The following PLA2G2F variants were observed in gnomAD, a reference collection of about 807,000 sequenced individuals.
PLA2G2F encodes group IIF secretory phospholipase A2.
PLA2G2F carries 17 observed loss-of-function variants against 15.9 expected under a neutral mutation model. The observed-to-expected ratio is 1.07, with a 90% CI of 0.73 to 1.60. The LOEUF is 1.60. Among genes scored for constraint, PLA2G2F ranks in the 40% most tolerant of loss-of-function variants. The probability of loss-of-function intolerance (pLI) is 0.00; values close to 1 mark genes in which losing one functional copy is unlikely to be tolerated. For missense variants in PLA2G2F, 299 were observed against 278.2 expected, an observed-to-expected ratio of 1.07 and a Z score of -0.53; for synonymous variants, 119 against 106.5, an observed-to-expected ratio of 1.12 and a Z score of -0.72.
chr1:20,139,516 G>C lies in PLA2G2F; in HGVS notation c.89G>C (p.Gly30Ala). ...CFSGWRGPRF[G>A]ASCPSRTSRS... is the part of the protein sequence containing the mutation. The stretch of plus-strand genomic sequence containing the variant: ...TCTGGGTGGAGGGGCCCACGCTTCG[G>C]GGCCTCCTGTCCTTCAAGAACCTCC... The change falls in exon 1 of 5, where the codon GGG (glycine) becomes GCG (alanine). Residue 30 changes from glycine (G) to alanine (A), a missense_variant. Physicochemically the swap from Gly to Ala is moderately conservative, Grantham distance 60 (BLOSUM62 0). Coordinates refer to ENST00000375102, the MANE Select transcript of PLA2G2F (RefSeq NM_022819.4). 1 of 1,566,352 alleles carries C rather than the reference G, an allele frequency of 6.4e-7. No individual in the cohort carries two copies. Among genetic ancestry groups the C allele is most frequent in the Non-Finnish European group, 8.7e-7 (1 of 1,155,088 alleles).
intron 4 of PLA2G2F, among the ~76,000 whole-genome samples, chr1:20,146,882 G>A (rs554922769): frequency 3.3e-5 from 5 of 152,260 alleles, no homozygotes; most frequent in African/African-American, 7.2e-5. Flanking sequence ...GGTAACAGAC[G>A]AACTTAAAGC....
At position 20,143,563 on chromosome 1, in the gene PLA2G2F, G is replaced by A. The variant is rs145617803; in HGVS notation, c.287G>A (p.Arg96His). 333 of 1,613,970 alleles carry A rather than the reference G, an allele frequency of 2.1e-4. 1 individual carries two copies. In the African/African-American group the frequency reaches 3.3e-3, roughly 16 times the overall value. The change falls in exon 3 of 5, where the codon CGT (arginine) becomes CAT (histidine). Residue 96 changes from arginine to histidine, a missense_variant. Coordinates refer to ENST00000375102, the MANE Select transcript of PLA2G2F (RefSeq NM_022819.4). The stretch of plus-strand genomic sequence containing the variant: ...GGTTGCTACTGTGGGCTGGGGGGCC[G>A]TGGCCAGCCCAAGGATGAGGTGGAC... ...GYGCYCGLGG[R>H]GQPKDEVDWC...
intron 2 of PLA2G2F, chr1:20,141,687 T>TTGGG (rs1343393225): frequency 2.0e-5 from 3 of 152,492 alleles, no homozygotes; most frequent in East Asian, 3.9e-4. Flanking sequence ...CTCGCAGTGG[T>TTGGG]TGGGTCCCTC....
chr1:20,147,451 CTTT>C (rs879391906), intron 4 of PLA2G2F, among the ~76,000 whole-genome samples: 1 of 144,514 alleles, frequency 6.9e-6, no homozygotes, highest in Admixed American at 6.9e-5. Flanking sequence ...ACTCCCTCTT[CTTT>C]TTTTTTTTTT....
chr1:20,148,395 TC>T lies in PLA2G2F; in HGVS notation c.633del (p.Ter212ArgfsTer6), dbSNP rs1352762717. The T allele has an allele frequency of 6.2e-7, 1 of 1,609,506 alleles. No homozygotes were observed. The highest frequency in any genetic ancestry group is 8.5e-7 in the Non-Finnish European group (1 of 1,176,538). On this transcript the variant is annotated frameshift_variant, in exon 5 of 5. Coordinates refer to ENST00000375102, the MANE Select transcript of PLA2G2F (RefSeq NM_022819.4). LOFTEE classifies it high-confidence loss of function. ...ACCAATCCCCAGCGCCCCCCGCCCC[TC>T]CCTAGAGCCTCTGAGGTTTGAGAGA... Reference protein sequence around the residue: ...SHQSPAPPAPP With the variant: ...SHQSPAPPAPX
chr1:20,143,232 G>A (rs1265272440), intron 2 of PLA2G2F: 8 of 549,700 alleles, frequency 1.5e-5, no homozygotes, highest in Non-Finnish European at 2.2e-5. Flanking sequence ...CCGCAGGGAT[G>A]TGGGTGCACA....
At chr1:20,145,714 A>T (rs2017575528) in intron 4 of PLA2G2F, among the ~76,000 whole-genome samples, 1 of 151,864 alleles carries the variant, frequency 6.6e-6, no homozygotes, top group South Asian at 2.1e-4. Context: ...GGCTAAAGTG[A>T]TCCTCCTGCC....
rs372533971 is a variant in PLA2G2F at position 20,140,147 on chromosome 1, G to A, written c.117-19G>A. On this transcript the variant is annotated intron_variant, in intron 1 of 4. Coordinates refer to ENST00000375102, the MANE Select transcript of PLA2G2F (RefSeq NM_022819.4). The stretch of plus-strand genomic sequence containing the variant: ...GGTGGAGGGGATGGACTCAAGCTCC[G>A]GGTTTCGTCCTCCCTCAGGTCTAGC... 75 of 1,613,168 alleles carry A rather than the reference G, an allele frequency of 4.6e-5. No homozygotes were observed. Among genetic ancestry groups the A allele is most frequent in the East Asian group, 2.5e-4 (11 of 44,848 alleles).
chr1:20,143,505 G>A lies in PLA2G2F; in HGVS notation c.229G>A (p.Gly77Arg), dbSNP rs531324579. ...NLKAMVEAVTGRSAILSFVGY... is the reference protein window; with the variant it reads ...NLKAMVEAVTRRSAILSFVGY... ...GAAGGCCATGGTGGAGGCCGTCACA[G>A]GGAGGAGCGCCATCCTGTCCTTCGT... The change falls in exon 3 of 5, where the codon GGG (glycine) becomes AGG (arginine). Residue 77 changes from glycine to arginine, a missense_variant. Gly to Arg is a moderately radical substitution (Grantham distance 125, BLOSUM62 -2). Coordinates refer to ENST00000375102, the MANE Select transcript of PLA2G2F (RefSeq NM_022819.4). 3.7e-6 allele frequency: 6 copies of A among 1,614,066 alleles called. No individual in the cohort carries two copies. The highest frequency in any genetic ancestry group is 2.2e-5 in the East Asian group (1 of 44,852).
chr1:20,139,378 C>T lies in PLA2G2F; in HGVS notation c.-50C>T, dbSNP rs1171736726. The T allele has an allele frequency of 2.1e-6, 3 of 1,396,628 alleles. No individual in the cohort carries two copies. In the East Asian group the frequency reaches 7.5e-5, roughly 35 times the overall value. The allele number at this position is 1,396,628 out of a possible 1,614,324, so 86.5% of individuals were successfully genotyped here. ...CCTGCTCCCCGCAGCCTCTGGAGCG[C>T]ATCTCAGACCTTCTGAGACCTATGT... On this transcript the variant is annotated 5_prime_UTR_variant, in exon 1 of 5. Coordinates refer to ENST00000375102, the MANE Select transcript of PLA2G2F (RefSeq NM_022819.4).
At chr1:20,143,668 C>A (rs1031370382) in intron 3 of PLA2G2F, 78 bp downstream of exon 3, 1 of 1,536,516 alleles carries the variant, frequency 6.5e-7, no homozygotes, top group Non-Finnish European at 8.8e-7. Context: ...GCCCTCCATC[C>A]CTGAGTGGGG....
rs527538192 is a variant in PLA2G2F, at chr1:20,147,859, G to A, written c.425-331G>A. On this transcript the variant is annotated intron_variant, in intron 4 of 4. Coordinates refer to ENST00000375102, the MANE Select transcript of PLA2G2F (RefSeq NM_022819.4). ...GCGTGGGGGGTGCTTTAGTTCTGTG[G>A]GTGACTTAGGTAAACCCATCCCCCT... Among the ~76,000 whole-genome samples the A allele has an allele frequency of 1.4e-4, 22 of 152,306 alleles. No homozygotes were observed. In the South Asian group the frequency reaches 4.4e-3, roughly 30 times the overall value.
chr1:20,148,080 C>T, intron 4 of PLA2G2F, 110 bp from the exon 5 acceptor site: 1 of 912,262 alleles, frequency 1.1e-6, no homozygotes. Context: ...GTAACACATT[C>T]CAAGGACCAC....
intron 4 of PLA2G2F, among the ~76,000 whole-genome samples, chr1:20,147,788 T>C (rs1268950828): frequency 6.6e-6 from 1 of 152,174 alleles, no homozygotes; most frequent in Non-Finnish European, 1.5e-5. Flanking sequence ...GATTCTGTGA[T>C]TGAAGGGAAG....
At chr1:20,148,133 C>G (rs2017647940) in intron 4 of PLA2G2F, 57 bp from the exon 5 acceptor site, 2 of 1,384,604 alleles carry the variant, frequency 1.4e-6, no homozygotes, top group Admixed American at 3.4e-5. Context: ...CAGCAGTAGT[C>G]CTGGGGGAGC....
At chr1:20,143,142 A>G (rs1472217947) in intron 2 of PLA2G2F, 1 of 298,714 alleles carries the variant, frequency 3.3e-6, no homozygotes, top group Non-Finnish European at 6.3e-6. Context: ...CAATGGATTC[A>G]TGCACATGGA....
At position 20,150,376 on chromosome 1, in the gene PLA2G2F, C is replaced by T. The variant is rs1374719064; in HGVS notation, c.*1975C>T. On this transcript the variant is annotated 3_prime_UTR_variant, in exon 5 of 5. Transcript: ENST00000375102. ...TCCTCAAATGAATAAAGGCCTCCTA[C>T]CTCAACTCCCCATGGCTGGCCCCTC... 1 of 152,370 alleles carries T rather than the reference C, an allele frequency of 6.6e-6. No individual in the cohort carries two copies. Among genetic ancestry groups the T allele is most frequent in the Non-Finnish European group, 1.5e-5 (1 of 68,132 alleles). 9.4% of individuals were successfully genotyped at this position (152,370 alleles called of 1,614,324 possible).
In PLA2G2F at chr1:20,149,687, A is replaced by T. The variant is rs1448779655; in HGVS notation, c.*1286A>T. 1.3e-5 allele frequency: 2 copies of T among 152,692 alleles called. No homozygotes were observed. The highest frequency in any genetic ancestry group is 2.9e-5 in the Non-Finnish European group (2 of 68,486). The allele number at this position is 152,692 out of a possible 1,614,324, so 9.5% of individuals were successfully genotyped here. A position where few individuals can be genotyped will look rare whatever the true frequency, so the allele number is the denominator to read the frequency against. ...GACGGGCCTCCAGGCAACACAGAGG[A>T]GCTGGGGGCCAGGGCCTTACGGGGC... On this transcript the variant is annotated 3_prime_UTR_variant, in exon 5 of 5. Transcript: ENST00000375102.
intron 4 of PLA2G2F, among the ~76,000 whole-genome samples, chr1:20,146,104 C>T (rs1262161893): frequency 6.6e-6 from 1 of 152,192 alleles, no homozygotes; most frequent in African/African-American, 2.4e-5. Flanking sequence ...TTGGTGGGGC[C>T]CAGGAACTTG....
Sources: allele counts gnomAD v4.1 joint callset (sites outside exome capture counted in the v4.1 genomes callset), GRCh38; gene constraint gnomAD v4.1.1; transcripts MANE v1.5; gene names NCBI Gene and HGNC (gene_info 2026-07-23, HGNC 2026-07-21).